The following PKP4 variants were observed in gnomAD, a reference collection of about 807,000 sequenced individuals.
PKP4 encodes the protein plakophilin 4, also known as plakophilin-4.
Under a neutral mutation model 145.1 loss-of-function variants are expected in PKP4, and 90 were observed. The observed-to-expected ratio is 0.62, with a 90% CI of 0.52 to 0.74. The LOEUF (loss-of-function observed/expected upper bound fraction) is 0.74, where lower values mean the gene tolerates loss of function less well. Ranked by LOEUF, PKP4 falls within the 30% of genes least tolerant of loss-of-function variation. PKP4 has a pLI of 0.00. For synonymous variants in PKP4, 563 were observed against 577.2 expected, an observed-to-expected ratio of 0.98 and a Z score of 0.35; for missense variants, 1,340 against 1,482.7, an observed-to-expected ratio of 0.90 and a Z score of 1.58.
chr2:158,680,800 G>T lies in PKP4; in HGVS notation c.*123G>T. On this transcript the variant is annotated 3_prime_UTR_variant, in exon 22 of 22. Coordinates refer to ENST00000389759, the MANE Select transcript of PKP4 (RefSeq NM_003628.6). ...GAAGTGGAAGGAATGAATGAAGTGTGTTTTTTTTTTCTTTTTTGAGGAATT... is the reference window on the plus strand; with the variant it reads ...GAAGTGGAAGGAATGAATGAAGTGTTTTTTTTTTTTCTTTTTTGAGGAATT... 10 of 805,664 alleles carry T rather than the reference G, an allele frequency of 1.2e-5. No homozygotes were observed. The highest frequency in any genetic ancestry group is 4.1e-5 in the South Asian group (2 of 48,540). The allele number at this position is 805,664 out of a possible 1,614,324, so 49.9% of individuals were successfully genotyped here. A position where few individuals can be genotyped will look rare whatever the true frequency, so the allele number is the denominator to read the frequency against.
At chr2:158,663,591 GA>G in intron 15 of PKP4, 146 bp downstream of exon 15, 6 of 646,796 alleles carry the variant, frequency 9.3e-6, no homozygotes, top group East Asian at 2.8e-5. Context: ...GGGTTAAAGG[GA>G]AAAAAGGGAG....
Position 158,642,640 on chromosome 2 carries a change from C to A in PKP4, c.1850C>A (p.Pro617His), listed in dbSNP as rs1452940970. 1 of 1,612,826 alleles carries A rather than the reference C, an allele frequency of 6.2e-7. No individual in the cohort carries two copies. Among genetic ancestry groups the A allele is most frequent in the Admixed American group, 1.7e-5 (1 of 59,938 alleles). The part of the protein sequence containing the change: ...KIAMKNVGGI[P>H]ALLRLLRKSI... ...GCAATGAAGAATGTTGGTGGGATAC[C>A]TGCCTTGTTGCGACTGTTGAGAAAA... The change falls in exon 11 of 22, where the codon CCT (proline) becomes CAT (histidine). Residue 617 changes from proline to histidine, a missense_variant. Physicochemically the swap from Pro to His is moderately conservative, Grantham distance 77. Coordinates refer to ENST00000389759, the MANE Select transcript of PKP4 (RefSeq NM_003628.6).
chr2:158,665,346 GA>G (rs757979434), intron 15 of PKP4, among the ~76,000 whole-genome samples: 1 of 152,136 alleles, frequency 6.6e-6, no homozygotes, highest in Non-Finnish European at 1.5e-5. Flanking sequence ...CATGTGATTT[GA>G]AAAATAGGAG....
At chr2:158,501,085 C>T (rs546018261) in intron 1 of PKP4, among the ~76,000 whole-genome samples, 1 of 152,182 alleles carries the variant, frequency 6.6e-6, no homozygotes, top group African/African-American at 2.4e-5. Context: ...ATCTTGGAAA[C>T]TCCCTAAGGA....
intron 4 of PKP4, among the ~76,000 whole-genome samples, chr2:158,608,808 C>CTTTTTTTTTTTTTTTTTTTTTT (rs66933766): frequency 1.2e-5 from 1 of 86,182 alleles, no homozygotes; most frequent in African/African-American, 5.1e-5. Context: ...TCTTTTCTTT[C>CTTTTTTTTTTTTTTTTTTTTTT]TTTTTTTTTT....
intron 1 of PKP4, among the ~76,000 whole-genome samples, chr2:158,462,991 G>GCACA (rs1690008090): frequency 6.6e-6 from 1 of 152,166 alleles, no homozygotes; most frequent in Non-Finnish European, 1.5e-5. Context: ...CAAATGCCAG[G>GCACA]GAAATTATTG....
intron 10 of PKP4, 139 bp downstream of exon 10, chr2:158,640,898 C>G (rs1234161011): frequency 1.2e-6 from 1 of 867,032 alleles, no homozygotes; most frequent in Non-Finnish European, 1.8e-6. Flanking sequence ...GATACTCTTT[C>G]ACTTAACTAT....
At chr2:158,572,788 C>G (rs549994688) in intron 2 of PKP4, among the ~76,000 whole-genome samples, 13 of 152,124 alleles carry the variant, frequency 8.5e-5, no homozygotes, top group Non-Finnish European at 1.6e-4. Flanking sequence ...AAAACACAAG[C>G]AAAATAGCAT....
intron 2 of PKP4, among the ~76,000 whole-genome samples, chr2:158,564,398 A>C (rs2046804286): frequency 6.6e-6 from 1 of 152,220 alleles, no homozygotes; most frequent in African/African-American, 2.4e-5. Flanking sequence ...TGGAGATGCC[A>C]TCGTTTGTTA....
intron 2 of PKP4, among the ~76,000 whole-genome samples, chr2:158,543,972 A>G (rs1474607051): frequency 6.6e-6 from 1 of 152,208 alleles, no homozygotes; most frequent in Non-Finnish European, 1.5e-5. Flanking sequence ...TTCAGGAATT[A>G]TGAGGATTAT....
Position 158,669,772 on chromosome 2 carries a change from C to T in PKP4, c.2781C>T (p.Pro927=). The change falls in exon 17 of 22, where the codon CCC becomes CCT. Residue 927 remains proline (P), a synonymous_variant. Coordinates refer to ENST00000389759, the MANE Select transcript of PKP4 (RefSeq NM_003628.6). The part of the protein sequence containing the change: ...LVNRLPGGNG[P]SVLSDETMAA... The stretch of plus-strand genomic sequence containing the variant: ...ACCGGCTCCCCGGCGGCAATGGCCC[C>T]AGTGTCTTGTCTGATGAGACCATGG... The T allele has an allele frequency of 9.3e-6, 15 of 1,610,318 alleles. No individual in the cohort carries two copies. The highest frequency in any genetic ancestry group is 1.3e-5 in the Non-Finnish European group (15 of 1,177,486).
At chr2:158,673,817 AATCATT>A in intron 18 of PKP4, 56 bp downstream of exon 18, 1 of 1,459,416 alleles carries the variant, frequency 6.9e-7, no homozygotes, top group Non-Finnish European at 9.6e-7. Flanking sequence ...ACACACTCAT[AATCATT>A]TATTGTAATG....
chr2:158,542,532 A>T (rs1226179643), intron 2 of PKP4, among the ~76,000 whole-genome samples: 2 of 152,166 alleles, frequency 1.3e-5, no homozygotes, highest in African/African-American at 4.8e-5. Context: ...GGAATAATTT[A>T]TCTAGTTGAA....
At chr2:158,575,526 T>TATTTGCA (rs2047771800) in intron 2 of PKP4, among the ~76,000 whole-genome samples, 1 of 152,210 alleles carries the variant, frequency 6.6e-6, no homozygotes, top group South Asian at 2.1e-4. Flanking sequence ...ATTTTTTTTC[T>TATTTGCA]ATGTTCTTAT....
chr2:158,603,928 C>T, intron 4 of PKP4, among the ~76,000 whole-genome samples: 1 of 152,166 alleles, frequency 6.6e-6, no homozygotes, highest in Non-Finnish European at 1.5e-5. Flanking sequence ...AAACCTAGTG[C>T]CAGGATTCTG....
chr2:158,477,038 AT>A (rs1692585517), intron 1 of PKP4, among the ~76,000 whole-genome samples: 1 of 151,916 alleles, frequency 6.6e-6, no homozygotes, highest in African/African-American at 2.4e-5. Context: ...GTAAATGTTA[AT>A]TCATCCCTTA....
In PKP4 at chr2:158,599,022, G is replaced by A. The variant is rs190253235; in HGVS notation, c.246-4048G>A. On this transcript the variant is annotated intron_variant, in intron 3 of 21. Coordinates refer to ENST00000389759, the MANE Select transcript of PKP4 (RefSeq NM_003628.6). Reference sequence around the variant, plus strand: ...AGAAATGCTTCAGATGTAGGTTTGTGTGGGAAAGGGCACACTAGGAGGAGC... The same window carrying A: ...AGAAATGCTTCAGATGTAGGTTTGTATGGGAAAGGGCACACTAGGAGGAGC... Among the ~76,000 whole-genome samples the A allele has an allele frequency of 2.9e-4, 44 of 152,316 alleles. 1 individual carries two copies. The East Asian group carries it at 7.9e-3, about 27-fold the overall frequency.
chr2:158,639,331 T>TGTGTGTGTGTGCGTGC (rs1378957610), intron 9 of PKP4, among the ~76,000 whole-genome samples: 1 of 151,794 alleles, frequency 6.6e-6, no homozygotes. Context: ...GGTGTGTGTG[T>TGTGTGTGTGTGCGTGC]GTGTGTGTGT....
At chr2:158,657,356 C>A (rs1002296502) in intron 11 of PKP4, among the ~76,000 whole-genome samples, 1 of 152,176 alleles carries the variant, frequency 6.6e-6, no homozygotes, top group South Asian at 2.1e-4. Flanking sequence ...TATCATTAAA[C>A]AGAACTCTAA....
Sources: allele counts gnomAD v4.1 joint callset (sites outside exome capture counted in the v4.1 genomes callset), GRCh38; gene constraint gnomAD v4.1.1; transcripts MANE v1.5; gene names NCBI Gene and HGNC (gene_info 2026-07-23, HGNC 2026-07-21).